EML1: variants seen among roughly 807,000 people sequenced by gnomAD.
The protein encoded by EML1 is EMAP like 1, also known as echinoderm microtubule-associated protein-like 1.
EML1 carries 27 observed loss-of-function variants against 110.4 expected under a neutral mutation model. That is an observed-to-expected ratio of 0.24 (90% CI 0.18 to 0.34). The LOEUF is 0.34. Ranked by LOEUF, EML1 falls within the 10% of genes least tolerant of loss-of-function variation. The probability of loss-of-function intolerance (pLI) is 1.00; values close to 1 mark genes in which losing one functional copy is unlikely to be tolerated. For missense variants in EML1, 741 were observed against 1,030.9 expected, an observed-to-expected ratio of 0.72 and a Z score of 3.85; for synonymous variants, 344 against 385.8, an observed-to-expected ratio of 0.89 and a Z score of 1.27.
intron 3 of EML1, among the ~76,000 whole-genome samples, chr14:99,876,455 T>C (rs1353724086): frequency 3.3e-5 from 5 of 152,116 alleles, no homozygotes; most frequent in African/African-American, 1.2e-4. Context: ...GCGCTAGCCT[T>C]TGCGCACCAC....
At chr14:99,829,301 T>A (rs1454917442) in intron 1 of EML1, among the ~76,000 whole-genome samples, 1 of 152,184 alleles carries the variant, frequency 6.6e-6, no homozygotes, top group African/African-American at 2.4e-5. Flanking sequence ...TCTTTGCTGT[T>A]GCACTCTCAT....
At chr14:99,759,585 G>A (rs2057292151) in intron 1 of EML1, among the ~76,000 whole-genome samples, 1 of 152,196 alleles carries the variant, frequency 6.6e-6, no homozygotes, top group African/African-American at 2.4e-5. Flanking sequence ...TCATCCTCCT[G>A]ACAGCCTGGG....
chr14:99,805,798 A>C (rs1451307931), intron 1 of EML1, among the ~76,000 whole-genome samples: 1 of 152,020 alleles, frequency 6.6e-6, no homozygotes. Flanking sequence ...TTTTTTCAAA[A>C]AAAAATTTAA....
intron 1 of EML1, among the ~76,000 whole-genome samples, chr14:99,844,374 G>A (rs1448025621): frequency 3.3e-5 from 5 of 152,124 alleles, no homozygotes; most frequent in African/African-American, 9.6e-5. Context: ...AGCTACTGGG[G>A]AGGCTGAGGC....
rs1410654287 is a variant in EML1, at chr14:99,936,117, C to T, written c.1998C>T (p.Gly666=). Residue 666 remains glycine, a synonymous_variant, in exon 18 of 22, where the codon GGC becomes GGT. Transcript: ENST00000262233. The surrounding 1 kb of genome is among the most constrained non-coding windows in gnomAD (Gnocchi z 5.5). Reference sequence around the variant, plus strand: ...ACGGGAGGAAGTACACGCGAGTGGGCAAGTGCTCGGTAAGCGCTGACAGTG... The same window carrying T: ...ACGGGAGGAAGTACACGCGAGTGGGTAAGTGCTCGGTAAGCGCTGACAGTG... ...SDNGRKYTRV[G]KCSGHSSFIT... is the part of the protein sequence containing the mutation. 6.2e-7 allele frequency: 1 copy of T among 1,614,132 alleles called. No individual in the cohort carries two copies. Among genetic ancestry groups the T allele is most frequent in the Non-Finnish European group, 8.5e-7 (1 of 1,180,024 alleles).
chr14:99,786,061 C>CAAAAAAAAAAAAAAAAA (rs56240053), intron 1 of EML1, among the ~76,000 whole-genome samples: 19 of 120,384 alleles, frequency 1.6e-4, no homozygotes, highest in African/African-American at 5.1e-4. Flanking sequence ...CCTGGCTGCT[C>CAAAAAAAAAAAAAAAAA]AAAAAAAAAA....
At chr14:99,832,905 CTTTTA>C (rs940939423) in intron 1 of EML1, among the ~76,000 whole-genome samples, 12 of 152,014 alleles carry the variant, frequency 7.9e-5, no homozygotes, top group African/African-American at 2.2e-4. Context: ...ATAATTTCAA[CTTTTA>C]TTTTAGATTC....
chr14:99,817,237 AGTT>A (rs776661313), intron 1 of EML1, among the ~76,000 whole-genome samples: 1 of 152,194 alleles, frequency 6.6e-6, no homozygotes, highest in Non-Finnish European at 1.5e-5. Flanking sequence ...TTTGTCCATC[AGTT>A]GTTCTTTCAA....
intron 1 of EML1, among the ~76,000 whole-genome samples, chr14:99,776,996 C>CA (rs2057489597): frequency 1.3e-5 from 2 of 152,130 alleles, no homozygotes; most frequent in Non-Finnish European, 1.5e-5. Flanking sequence ...GTAAAAGGCA[C>CA]ATACAGCTTT....
intron 2 of EML1, among the ~76,000 whole-genome samples, chr14:99,862,763 T>C (rs2059022394): frequency 6.6e-6 from 1 of 152,128 alleles, no homozygotes; most frequent in Non-Finnish European, 1.5e-5. Flanking sequence ...CACAGAAGAC[T>C]CCAGATTCAT....
intron 1 of EML1, among the ~76,000 whole-genome samples, chr14:99,845,695 G>A (rs956683391): frequency 6.6e-6 from 1 of 152,210 alleles, no homozygotes; most frequent in Non-Finnish European, 1.5e-5. Context: ...TCTCTCAGAA[G>A]TGCCATAGAC....
intron 3 of EML1, among the ~76,000 whole-genome samples, chr14:99,867,463 A>G (rs1957508): frequency 0.063 from 9,536 of 152,264 alleles, 1,016 homozygotes; most frequent in African/African-American, 0.22. Context: ...ATCCATAAAC[A>G]TAGGATGTCT....
intron 1 of EML1, among the ~76,000 whole-genome samples, chr14:99,758,889 G>A (rs141976762): frequency 1.3e-5 from 2 of 152,204 alleles, no homozygotes; most frequent in African/African-American, 4.8e-5. Context: ...CGGACTCTGG[G>A]TTTGCAAAGA....
At chr14:99,802,520 G>T (rs938986226) in intron 1 of EML1, among the ~76,000 whole-genome samples, 1 of 151,970 alleles carries the variant, frequency 6.6e-6, no homozygotes, top group Non-Finnish European at 1.5e-5. Context: ...AGACGCAGGA[G>T]ATACTTAGTG....
chr14:99,767,248 C>T (rs116891076), intron 1 of EML1, among the ~76,000 whole-genome samples: 359 of 152,352 alleles, frequency 2.4e-3, no homozygotes, highest in Non-Finnish European at 3.9e-3. Flanking sequence ...CTGGTTCCAG[C>T]ACTTGCTAGT....
At chr14:99,757,945 G>A (rs531679600) in intron 1 of EML1, among the ~76,000 whole-genome samples, 1 of 152,364 alleles carries the variant, frequency 6.6e-6, no homozygotes, top group South Asian at 2.1e-4. Flanking sequence ...CAGCCCCTGT[G>A]TTCAGGGATG....
chr14:99,875,883 A>G (rs900036355), intron 3 of EML1, among the ~76,000 whole-genome samples: 2 of 152,196 alleles, frequency 1.3e-5, no homozygotes, highest in African/African-American at 4.8e-5. Context: ...CATTCTAAAA[A>G]CACACATTTT....
chr14:99,884,442 C>G lies in EML1; in HGVS notation c.518+5823C>G, dbSNP rs538724020. On this transcript the variant is annotated intron_variant, in intron 4 of 21. Transcript: ENST00000262233. ...AGGCATGGCAGGGAGTGGGAAGGAGCAGCACAGAAAGACTCATTCTCCTAA... is the reference window on the plus strand; with the variant it reads ...AGGCATGGCAGGGAGTGGGAAGGAGGAGCACAGAAAGACTCATTCTCCTAA... Among the ~76,000 whole-genome samples the G allele has an allele frequency of 2.6e-5, 4 of 152,318 alleles. No homozygotes were observed. In the South Asian group the frequency reaches 8.3e-4, roughly 32 times the overall value.
intron 17 of EML1, among the ~76,000 whole-genome samples, chr14:99,924,536 G>A (rs1175174343): frequency 6.6e-6 from 1 of 152,182 alleles, no homozygotes; most frequent in African/African-American, 2.4e-5. Context: ...TAAGAGTTAT[G>A]TGAATATGGT....
Sources: gnomAD v4.1 joint callset for allele counts (sites outside exome capture counted in the v4.1 genomes callset) on GRCh38, gnomAD v4.1.1 for gene constraint, Gnocchi (gnomAD v3.1) non-coding constraint, MANE v1.5 for transcripts, NCBI Gene and HGNC (gene_info 2026-07-23, HGNC 2026-07-21) for gene names.